The following HTD2 variants were observed in gnomAD, a reference collection of about 807,000 sequenced individuals.
HTD2 encodes hydroxyacyl-thioester dehydratase type 2.
Under a neutral mutation model 3.1 loss-of-function variants are expected in HTD2, and 1 was observed. The observed-to-expected ratio is 0.32, with a 90% confidence interval of 0.11 to 1.52. The LOEUF is 1.52. Ranked by LOEUF, HTD2 falls within the 40% of genes most tolerant of loss-of-function variation. The probability of loss-of-function intolerance (pLI) is 0.39; values close to 1 mark genes in which losing one functional copy is unlikely to be tolerated. For missense variants in HTD2, 150 were observed against 79.6 expected (o/e 1.88, Z -3.36); for synonymous variants, 50 against 28.9 (o/e 1.73, Z -2.34).
At chr3:58,312,837 T>G (rs1488400659) in intron 2 of HTD2, among the ~76,000 whole-genome samples, 1 of 151,994 alleles carries the variant, frequency 6.6e-6, no homozygotes, top group East Asian at 1.9e-4. Context: ...GGCGCACGCT[T>G]GTAGTCCCAG....
chr3:58,315,127 C>T (rs527331293), intron 2 of HTD2, among the ~76,000 whole-genome samples: 2 of 152,152 alleles, frequency 1.3e-5, no homozygotes, highest in Admixed American at 1.3e-4. Flanking sequence ...TTTTTAATAA[C>T]AATGAAACTG....
intron 1 of HTD2, chr3:58,308,010 C>T (rs2097477538): frequency 6.6e-6 from 1 of 152,064 alleles, no homozygotes; most frequent in South Asian, 2.1e-4. Flanking sequence ...CATCTAAGCC[C>T]TGGGTCTAAT....
intron 1 of HTD2, among the ~76,000 whole-genome samples, chr3:58,307,026 G>A (rs2097475965): frequency 6.6e-6 from 1 of 152,262 alleles, no homozygotes; most frequent in Non-Finnish European, 1.5e-5. Flanking sequence ...GGGGGCAAGG[G>A]TGTGAGTCCG....
chr3:58,312,329 T>TCCGCAC (rs1267158574), intron 2 of HTD2, among the ~76,000 whole-genome samples: 6 of 105,390 alleles, frequency 5.7e-5, no homozygotes, highest in African/African-American at 1.7e-4. Context: ...TGGCACAACC[T>TCCGCAC]CCGCACCCCC....
At chr3:58,306,263 C>G (rs891162796), upstream of HTD2, 2 of 152,280 alleles carry the variant, frequency 1.3e-5, no homozygotes, top group African/African-American at 4.8e-5. Flanking sequence ...CTGGGCGTCA[C>G]GCTTCGTGGG....
upstream of HTD2, chr3:58,306,299 A>C (rs2097474336): frequency 6.6e-6 from 1 of 152,268 alleles, no homozygotes; most frequent in Non-Finnish European, 1.5e-5. Context: ...GCCAAACGTA[A>C]AGACACCAGG....
chr3:58,313,555 G>T (rs145835335), intron 2 of HTD2, among the ~76,000 whole-genome samples: 2 of 152,306 alleles, frequency 1.3e-5, no homozygotes, highest in South Asian at 4.1e-4. Context: ...AGGTGCAGTG[G>T]CTCACAGCTG....
At chr3:58,310,099 C>CT in intron 1 of HTD2, 1 of 532,970 alleles carries the variant, frequency 1.9e-6, no homozygotes, top group Non-Finnish European at 3.4e-6. Context: ...ACTCAGGAGT[C>CT]TGAGGCAGGA....
At position 58,318,711 on chromosome 3, in the gene HTD2, A is replaced by T. The variant is rs2097491165; in HGVS notation, c.*591A>T. 1 of 151,176 alleles carries T rather than the reference A, an allele frequency of 6.6e-6. No individual in the cohort carries two copies. The highest frequency in any genetic ancestry group is 2.4e-5 in the African/African-American group (1 of 41,072). The allele number at this position is 151,176 out of a possible 1,614,324, so 9.4% of individuals were successfully genotyped here. A position where few individuals can be genotyped will look rare whatever the true frequency, so the allele number is the denominator to read the frequency against. On this transcript the variant is annotated 3_prime_UTR_variant, in exon 5 of 5. Coordinates refer to ENST00000461393, the MANE Select transcript of HTD2 (RefSeq NM_001348712.2). ...ATTGGGAAGGTTATTTAAAGACTCT[A>T]CTTTTAAATCAGGCGTGGCAGCTCA... is the stretch of plus-strand genomic sequence containing the variant.
In HTD2 at chr3:58,317,693, C is replaced by A. The variant is rs1378956433; in HGVS notation, c.80C>A (p.Thr27Asn). Residue 27 changes from threonine to asparagine, a missense_variant, in exon 5 of 5, where the codon ACC becomes AAC. Thr to Asn is a moderately conservative substitution (Grantham distance 65). Coordinates refer to ENST00000461393, the MANE Select transcript of HTD2 (RefSeq NM_001348712.2). ...RTVCLNLPVL[T>N]LQHFQHMHIK... ...GTCTGTCTGAACCTGCCAGTGCTGA[C>A]CCTGCAGCACTTTCAGCATATGCAC... 5 of 704,580 alleles carry A rather than the reference C, an allele frequency of 7.1e-6. No individual in the cohort carries two copies. The East Asian group carries it at 1.1e-4, about 15-fold the overall frequency. The allele number at this position is 704,580 out of a possible 1,614,324, so 43.6% of individuals were successfully genotyped here.
rs778709664 is a variant in HTD2 at position 58,317,534 on chromosome 3, T to G, written c.-80T>G. ...CCATTTTGGAAACGTTCATCCACTC[T>G]CATATTTATTTTTTGGTGCCTGCAT... is the stretch of plus-strand genomic sequence containing the variant. On this transcript the variant is annotated 5_prime_UTR_variant, in exon 5 of 5. Coordinates refer to ENST00000461393, the MANE Select transcript of HTD2 (RefSeq NM_001348712.2). The G allele has an allele frequency of 1.4e-6, 2 of 1,389,802 alleles. No individual in the cohort carries two copies. Among genetic ancestry groups the G allele is most frequent in the Non-Finnish European group, 2.0e-6 (2 of 985,082 alleles). 86.1% of individuals were successfully genotyped at this position (1,389,802 alleles called of 1,614,324 possible).
At chr3:58,316,707 G>A in intron 3 of HTD2, 116 bp downstream of exon 3, 1 of 1,029,192 alleles carries the variant, frequency 9.7e-7, no homozygotes, top group Non-Finnish European at 1.5e-6. Flanking sequence ...AGCAGCTTTT[G>A]GGAATTTAAA....
In HTD2 at chr3:58,317,785, G is replaced by C. The variant is rs752557882; in HGVS notation, c.172G>C (p.Glu58Gln). 8.5e-6 allele frequency: 6 copies of C among 702,980 alleles called. No homozygotes were observed. The highest frequency in any genetic ancestry group is 5.4e-5 in the East Asian group (2 of 37,306). 43.5% of individuals were successfully genotyped at this position (702,980 alleles called of 1,614,324 possible). A position where few individuals can be genotyped will look rare whatever the true frequency, so the allele number is the denominator to read the frequency against. ...FTQTDVATFS[E>Q]LTGDVNPLHL... ...ACAGACTGATGTGGCTACCTTCTCA[G>C]AATTAACAGGGGATGTCAATCCTTT... Residue 58 changes from glutamate to glutamine, a missense_variant, in exon 5 of 5, where the codon GAA becomes CAA. By Grantham distance (29) the Glu-to-Gln change is conservative. Transcript: ENST00000461393.
intron 1 of HTD2, chr3:58,307,652 A>C (rs902882247): frequency 6.6e-6 from 1 of 152,076 alleles, no homozygotes; most frequent in African/African-American, 2.4e-5. Flanking sequence ...CTTCGACCCA[A>C]AGCACTCCAG....
Position 58,318,060 on chromosome 3 carries a change from T to C in HTD2, c.447T>C (p.Ser149=), listed in dbSNP as rs1559796844. The C allele has an allele frequency of 1.5e-6, 1 of 688,670 alleles. No individual in the cohort carries two copies. Among genetic ancestry groups the C allele is most frequent in the East Asian group, 2.7e-5 (1 of 37,222 alleles). 42.7% of individuals were successfully genotyped at this position (688,670 alleles called of 1,614,324 possible). A position where few individuals can be genotyped will look rare whatever the true frequency, so the allele number is the denominator to read the frequency against. ...IIAVSCSVIE[S]KKTVMEGWVK... ...CAGTGTCATGTTCTGTAATAGAAAG[T>C]AAAAAGACTGTTATGGAAGGCTGGG... The change falls in exon 5 of 5, where the codon AGT becomes AGC. Residue 149 remains serine, a synonymous_variant. Transcript: ENST00000461393.
intron 2 of HTD2, among the ~76,000 whole-genome samples, chr3:58,314,334 G>C (rs1042725112): frequency 1.3e-5 from 2 of 152,192 alleles, no homozygotes; most frequent in African/African-American, 4.8e-5. Context: ...CAGGGTGACA[G>C]AGAGAGACTC....
intron 2 of HTD2, among the ~76,000 whole-genome samples, chr3:58,313,559 A>T (rs925389184): frequency 1.3e-5 from 2 of 152,228 alleles, no homozygotes; most frequent in East Asian, 3.9e-4. Context: ...GCAGTGGCTC[A>T]CAGCTGTAAT....
chr3:58,310,661 G>A lies in HTD2; in HGVS notation c.-331+70G>A, dbSNP rs1287395297. On this transcript the variant is annotated intron_variant, in intron 2 of 4. Coordinates refer to ENST00000461393, the MANE Select transcript of HTD2 (RefSeq NM_001348712.2). The stretch of plus-strand genomic sequence containing the variant: ...AGAAATACAGAAAGAGGCCGGGCGC[G>A]GTAGCTCACGCCTGTAATCCCAGCA... 44 of 1,333,702 alleles carry A rather than the reference G, an allele frequency of 3.3e-5. 1 individual carries two copies. The highest frequency in any genetic ancestry group is 2.8e-4 in the East Asian group (12 of 43,210). 82.6% of individuals were successfully genotyped at this position (1,333,702 alleles called of 1,614,324 possible).
At chr3:58,310,719 C>G in intron 2 of HTD2, 128 bp downstream of exon 2, 1 of 689,354 alleles carries the variant, frequency 1.5e-6, no homozygotes. Flanking sequence ...ATCATGAGGT[C>G]AAGAGATCGA....
Sources: gnomAD v4.1 joint callset for allele counts (sites outside exome capture counted in the v4.1 genomes callset) on GRCh38, gnomAD v4.1.1 for gene constraint, MANE v1.5 for transcripts, NCBI Gene and HGNC (gene_info 2026-07-23, HGNC 2026-07-21) for gene names.